Variants in TMC8 observed in about 807,000 individuals in gnomAD.
The protein encoded by TMC8 is transmembrane channel like 8, also known as transmembrane channel-like protein 8.
TMC8 carries 71 observed loss-of-function variants against 76.0 expected under a neutral mutation model. The observed-to-expected ratio is 0.93, with a 90% CI of 0.77 to 1.14. TMC8 has a LOEUF of 1.14. Among genes scored for constraint, TMC8 ranks in the 50% most tolerant of loss-of-function variants. The pLI, the probability that TMC8 is intolerant of heterozygous loss-of-function variation, is 0.00. For missense variants in TMC8, 924 were observed against 947.9 expected, an observed-to-expected ratio of 0.97 and a Z score of 0.33; for synonymous variants, 433 against 433.8, an observed-to-expected ratio of 1.00 and a Z score of 0.02.
intron 9 of TMC8, among the ~76,000 whole-genome samples, chr17:78,135,547 C>T (rs540758153): frequency 6.6e-6 from 1 of 152,266 alleles, no homozygotes; most frequent in South Asian, 2.1e-4. Context: ...GCAGCTGGGA[C>T]TACCACTCCC....
chr17:78,132,093 AAAAGGAG>A, intron 3 of TMC8, 63 bp downstream of exon 3: 3 of 1,533,188 alleles, frequency 2.0e-6, no homozygotes, highest in Non-Finnish European at 2.6e-6. Context: ...CCAGATCGGA[AAAAGGAG>A]AGTGGCATCA....
Position 78,138,333 on chromosome 17 carries a change from T to C in TMC8, c.1534-16T>C, listed in dbSNP as rs1206791551. The C allele has an allele frequency of 6.2e-7, 1 of 1,610,542 alleles. No individual in the cohort carries two copies. The highest frequency in any genetic ancestry group is 2.2e-5 in the East Asian group (1 of 44,894). ...ATAACTCGCTGACTCCTGGTTGCTA[T>C]TGCTTGCGCCCCCAGTACACCCTCC... On this transcript the variant is annotated splice_polypyrimidine_tract_variant and intron_variant, in intron 12 of 15. Transcript: ENST00000318430.
At chr17:78,137,055 G>A in intron 9 of TMC8, 180 bp from the exon 10 acceptor site, 1 of 858,574 alleles carries the variant, frequency 1.2e-6, no homozygotes. Context: ...TGAATCGCCT[G>A]GAGACTCGGA....
In TMC8 at chr17:78,131,595, C is replaced by A; in HGVS notation, c.7C>A (p.Leu3Met). The A allele has an allele frequency of 6.5e-7, 1 of 1,546,188 alleles. No individual in the cohort carries two copies. The highest frequency in any genetic ancestry group is 1.4e-5 in the African/African-American group (1 of 73,160). The change falls in exon 2 of 16, where the codon CTG (leucine) becomes ATG (methionine). Residue 3 changes from leucine to methionine, a missense_variant. Transcript: ENST00000318430. Reference protein sequence around the residue: MLLPRSVSSERAP... With the variant: MLMPRSVSSERAP... ...TCTACCCGTGCCCGCCGAGATGCTG[C>A]TGCCGCGGTCGGTGTCATCGGAGCG...
At chr17:78,138,524 T>C in intron 13 of TMC8, 45 bp downstream of exon 13, 1 of 1,613,372 alleles carries the variant, frequency 6.2e-7, no homozygotes, top group Non-Finnish European at 8.5e-7. Context: ...GCAGGGGCAG[T>C]TTCTCACCCA....
chr17:78,131,693 C>A lies in TMC8; in HGVS notation c.105C>A (p.Pro35=), dbSNP rs760986305. Residue 35 remains proline, a synonymous_variant, in exon 2 of 16, where the codon CCC becomes CCA. Transcript: ENST00000318430. Reference sequence around the variant, plus strand: ...AGCGGCTGCGCGGCTCTGGGACGCCCGTGCGCGGGCTGCCCTATGCCATGA... The same window carrying A: ...AGCGGCTGCGCGGCTCTGGGACGCCAGTGCGCGGGCTGCCCTATGCCATGA... The part of the protein sequence containing the change: ...EMERLRGSGT[P]VRGLPYAMMD... The A allele has an allele frequency of 3.8e-6, 6 of 1,578,870 alleles. No homozygotes were observed. In the Admixed American group the frequency reaches 5.5e-5, roughly 14 times the overall value.
At position 78,134,070 on chromosome 17, in the gene TMC8, G is replaced by A. The variant is rs375344540; in HGVS notation, c.816+70G>A. 1.2e-5 allele frequency: 20 copies of A among 1,606,346 alleles called. No individual in the cohort carries two copies. In the African/African-American group the frequency reaches 2.0e-4, roughly 16 times the overall value. ...ATGGGAGCGAGTGCGTGAGAGCCACGTGTTCCAGGTGTGTGCGAGCAAGTG... is the reference window on the plus strand; with the variant it reads ...ATGGGAGCGAGTGCGTGAGAGCCACATGTTCCAGGTGTGTGCGAGCAAGTG... On this transcript the variant is annotated intron_variant, in intron 7 of 15. Transcript: ENST00000318430.
chr17:78,134,841 G>A (rs777268307), intron 8 of TMC8, 29 bp from the exon 9 acceptor site: 22 of 1,612,634 alleles, frequency 1.4e-5, no homozygotes, highest in Non-Finnish European at 1.7e-5. Flanking sequence ...CCCAGCACGC[G>A]GGCTCCCCTG....
Position 78,141,094 on chromosome 17 carries a change from C to T in TMC8, c.2163C>T (p.Pro721=), listed in dbSNP as rs527688678. 2.5e-5 allele frequency: 39 copies of T among 1,577,476 alleles called. No homozygotes were observed. Among genetic ancestry groups the T allele is most frequent in the Admixed American group, 3.5e-5 (2 of 57,614 alleles). ...CCTCCGCCCGCAGATTCCGCTTCCC[C>T]AGCGGCGCGGAGCTGTAACCCCTAC... ...APASARRFRF[P]SGAEL Residue 721 remains proline, a synonymous_variant, in exon 16 of 16, where the codon CCC becomes CCT. Coordinates refer to ENST00000318430, the MANE Select transcript of TMC8 (RefSeq NM_152468.5).
chr17:78,138,928 G>C, intron 14 of TMC8, 196 bp downstream of exon 14: 1 of 1,536,416 alleles, frequency 6.5e-7, no homozygotes, highest in Non-Finnish European at 8.7e-7. Flanking sequence ...CACTGGGGAA[G>C]CACCGTGTCT....
chr17:78,140,648 A>ACCCTGGTGGGGCGTGG (rs1450024319), intron 15 of TMC8, among the ~76,000 whole-genome samples, 186 bp from the exon 16 acceptor site: 3 of 143,890 alleles, frequency 2.1e-5, no homozygotes, highest in Admixed American at 6.8e-5. Flanking sequence ...TCGGGGCGGG[A>ACCCTGGTGGGGCGTGG]CCCTGGTGGG....
chr17:78,140,788 G>C, intron 15 of TMC8, 46 bp from the exon 16 acceptor site: 6 of 1,573,886 alleles, frequency 3.8e-6, no homozygotes, highest in Non-Finnish European at 5.2e-6. Context: ...ACACCCGCTC[G>C]TGGGAAGCAG....
intron 10 of TMC8, 97 bp downstream of exon 10, chr17:78,137,455 C>CT (rs2075263872): frequency 6.3e-7 from 1 of 1,597,542 alleles, no homozygotes; most frequent in African/African-American, 1.3e-5. Flanking sequence ...CTTTAGTCAC[C>CT]TTTGAGAGAA....
At chr17:78,137,487 A>G in intron 10 of TMC8, 129 bp downstream of exon 10, 2 of 1,496,904 alleles carry the variant, frequency 1.3e-6, no homozygotes, top group Non-Finnish European at 1.8e-6. Flanking sequence ...GGCTGCCTGC[A>G]CCGCCGCACA....
In TMC8 at chr17:78,138,104, G is replaced by C. The variant is rs762149608; in HGVS notation, c.1449G>C (p.Thr483=). Residue 483 remains threonine, a synonymous_variant, in exon 12 of 16, where the codon ACG becomes ACC. Coordinates refer to ENST00000318430, the MANE Select transcript of TMC8 (RefSeq NM_152468.5). ...KNVLDIVAGQ[T]VTWMGLFYCP... is the part of the protein sequence containing the mutation. ...TGCTGGACATCGTGGCGGGGCAGAC[G>C]GTCACCTGGATGGGCCTCTTCTACT... The C allele has an allele frequency of 1.2e-6, 2 of 1,613,966 alleles. No individual in the cohort carries two copies. The highest frequency in any genetic ancestry group is 2.2e-5 in the South Asian group (2 of 91,072).
At chr17:78,132,606 G>C in intron 4 of TMC8, 98 bp downstream of exon 4, 1 of 1,537,790 alleles carries the variant, frequency 6.5e-7, no homozygotes, top group Non-Finnish European at 8.8e-7. Context: ...GCTGGGCGTG[G>C]TCCTGCCGTG....
At chr17:78,138,255 C>T (rs2075287102) in intron 12 of TMC8, 67 bp downstream of exon 12, 2 of 1,611,740 alleles carry the variant, frequency 1.2e-6, no homozygotes, top group East Asian at 2.2e-5. Context: ...CTGGGCTCGC[C>T]TCCTGCTCCT....
intron 11 of TMC8, 66 bp downstream of exon 11, chr17:78,137,880 G>A: frequency 1.2e-6 from 2 of 1,600,574 alleles, no homozygotes; most frequent in Middle Eastern, 1.9e-4. Flanking sequence ...GTGGCCAGTG[G>A]CTACAGCCAA....
chr17:78,134,709 A>C (rs760699549), intron 8 of TMC8, 145 bp downstream of exon 8: 152 of 1,502,470 alleles, frequency 1.0e-4, no homozygotes, highest in Non-Finnish European at 1.3e-4. Context: ...GCGGGCTCCC[A>C]CTGGATATTC....
Sources: allele counts gnomAD v4.1 joint callset (sites outside exome capture counted in the v4.1 genomes callset), GRCh38; gene constraint gnomAD v4.1.1; transcripts MANE v1.5; gene names NCBI Gene and HGNC (gene_info 2026-07-23, HGNC 2026-07-21).